Variants in NALCN observed in about 807,000 individuals in gnomAD.
NALCN encodes the protein sodium leak channel NALCN.
Under a neutral mutation model 225.3 loss-of-function variants are expected in NALCN, and 111 were observed. The observed-to-expected ratio is 0.49, with a 90% CI of 0.42 to 0.58. The LOEUF is 0.58. NALCN is among the 20% of genes least tolerant of loss of function. The pLI is 0.00. For missense variants in NALCN, 1,378 were observed against 2,202.4 expected (o/e 0.63, Z 7.49); for synonymous variants, 764 against 769.0 (o/e 0.99, Z 0.11).
chr13:101,306,020 T>C (rs1382917979), intron 7 of NALCN, among the ~76,000 whole-genome samples: 2 of 152,184 alleles, frequency 1.3e-5, no homozygotes, highest in Non-Finnish European at 2.9e-5. Flanking sequence ...TGTTGGACCA[T>C]GTGAAGAGCC....
At position 101,104,689 on chromosome 13, in the gene NALCN, C is replaced by T; in HGVS notation, c.2637-39G>A. On this transcript the variant is annotated intron_variant, in intron 23 of 43. Transcript: ENST00000251127. The surrounding 1 kb of genome is among the most constrained non-coding windows in gnomAD (Gnocchi z 4.2). ...AACAAAATTGAGAAACATAAAGGTT[C>T]CAGGAAAGGCTTCTAAGAGTTAGAG... The T allele has an allele frequency of 6.2e-7, 1 of 1,611,672 alleles. No individual in the cohort carries two copies. Among genetic ancestry groups the T allele is most frequent in the Non-Finnish European group, 8.5e-7 (1 of 1,178,634 alleles).
chr13:101,226,450 G>T (rs1248240638), intron 13 of NALCN, among the ~76,000 whole-genome samples: 1 of 152,204 alleles, frequency 6.6e-6, no homozygotes, highest in Admixed American at 6.5e-5. Context: ...CTGTTGAGCT[G>T]CTTTTTGTGT....
chr13:101,256,261 G>A (rs1456720539), intron 11 of NALCN, among the ~76,000 whole-genome samples: 2 of 151,980 alleles, frequency 1.3e-5, no homozygotes, highest in East Asian at 1.9e-4. Flanking sequence ...GGTGGTACCC[G>A]TCCTTTAACC....
intron 33 of NALCN, among the ~76,000 whole-genome samples, chr13:101,082,382 C>A (rs543460948): frequency 2.2e-4 from 33 of 152,252 alleles, no homozygotes; most frequent in African/African-American, 7.9e-4. Flanking sequence ...GAAACATCAA[C>A]CAGTGTAGGG....
chr13:101,239,663 G>A (rs1049304387), intron 11 of NALCN, among the ~76,000 whole-genome samples: 1 of 151,994 alleles, frequency 6.6e-6, no homozygotes, highest in Non-Finnish European at 1.5e-5. Context: ...AGGTGGTTAA[G>A]CACATTGCTA....
intron 2 of NALCN, 74 bp downstream of exon 2, chr13:101,398,945 A>C: frequency 1.0e-6 from 1 of 962,802 alleles, no homozygotes; most frequent in Non-Finnish European, 1.7e-6. Context: ...CCAAAGGTAC[A>C]TGATATTTGA....
intron 11 of NALCN, among the ~76,000 whole-genome samples, chr13:101,241,280 G>T (rs2041748476): frequency 6.6e-6 from 1 of 152,138 alleles, no homozygotes; most frequent in South Asian, 2.1e-4. Flanking sequence ...AGAAAGAATT[G>T]GTTCTTCCAG....
intron 13 of NALCN, among the ~76,000 whole-genome samples, chr13:101,212,930 G>C (rs933680083): frequency 2.0e-5 from 3 of 152,080 alleles, no homozygotes; most frequent in African/African-American, 7.2e-5. Context: ...TTTCTTCACA[G>C]AATTGGAAAA....
At position 101,254,658 on chromosome 13, in the gene NALCN, G is replaced by A. The variant is rs1238270337; in HGVS notation, c.1266+3785C>T. Among the ~76,000 whole-genome samples the A allele has an allele frequency of 2.3e-5, 3 of 130,810 alleles. 1 individual carries two copies. Among genetic ancestry groups the A allele is most frequent in the Non-Finnish European group, 5.3e-5 (3 of 56,348 alleles). 85.8% of individuals were successfully genotyped at this position (130,810 alleles called of 152,430 possible). ...TGTAATCCCAGCACTTTGGGAGGCC[G>A]AGGCGGGCGGATCACGAGGTCAGGA... is the stretch of plus-strand genomic sequence containing the variant. On this transcript the variant is annotated intron_variant, in intron 11 of 43. Transcript: ENST00000251127.
intron 17 of NALCN, among the ~76,000 whole-genome samples, chr13:101,139,637 C>T (rs1365593643): frequency 6.6e-6 from 1 of 151,812 alleles, no homozygotes; most frequent in African/African-American, 2.4e-5. Flanking sequence ...AAGAACCCTG[C>T]CTGTCACTTT....
intron 13 of NALCN, among the ~76,000 whole-genome samples, chr13:101,208,901 G>T (rs747025139): frequency 3.9e-5 from 6 of 152,190 alleles, no homozygotes; most frequent in Non-Finnish European, 5.9e-5. Context: ...CTGCAGAATG[G>T]TGAGCCAATT....
intron 7 of NALCN, among the ~76,000 whole-genome samples, chr13:101,319,124 T>C (rs1417610562): frequency 6.6e-6 from 1 of 152,174 alleles, no homozygotes; most frequent in Non-Finnish European, 1.5e-5. Context: ...GCAGAATCTC[T>C]TAGCAGGACT....
intron 9 of NALCN, among the ~76,000 whole-genome samples, chr13:101,287,159 TCTTGGTCAG>T (rs1193184191): frequency 1.3e-5 from 2 of 152,236 alleles, no homozygotes; most frequent in Admixed American, 1.3e-4. Flanking sequence ...AAGCGGACTT[TCTTGGTCAG>T]ATAGTATGTA....
rs2039667952 is a variant in NALCN at position 101,191,252 on chromosome 13, C to T, written c.1764+665G>A. Among the ~76,000 whole-genome samples the T allele has an allele frequency of 2.0e-5, 3 of 152,218 alleles. No homozygotes were observed. In the South Asian group the frequency reaches 6.3e-4, roughly 32 times the overall value. On this transcript the variant is annotated intron_variant, in intron 14 of 43. Coordinates refer to ENST00000251127, the MANE Select transcript of NALCN (RefSeq NM_052867.4). ...ACATAGAGATGAGCATTTGGTATTA[C>T]ATTCCTTAGTAAGTCACAGGCTGCA...
At chr13:101,132,140 G>A (rs2036549358) in intron 17 of NALCN, among the ~76,000 whole-genome samples, 1 of 151,678 alleles carries the variant, frequency 6.6e-6, no homozygotes, top group African/African-American at 2.4e-5. Context: ...TATTCATTCA[G>A]GGCTAAATTT....
intron 13 of NALCN, among the ~76,000 whole-genome samples, chr13:101,193,411 C>T (rs1023514226): frequency 7.9e-5 from 12 of 151,976 alleles, no homozygotes; most frequent in South Asian, 2.1e-4. Flanking sequence ...TGTTCAAGGC[C>T]CAGAACACAG....
intron 7 of NALCN, among the ~76,000 whole-genome samples, chr13:101,340,984 G>A (rs997058844): frequency 1.3e-5 from 2 of 152,032 alleles, no homozygotes; most frequent in African/African-American, 2.4e-5. Flanking sequence ...CTCATGACAA[G>A]TATGCACATA....
At chr13:101,144,678 A>G in intron 16 of NALCN, 82 bp downstream of exon 16, 1 of 1,446,422 alleles carries the variant, frequency 6.9e-7, no homozygotes, top group Non-Finnish European at 9.3e-7. Context: ...ACATATACTT[A>G]AAAGAAGGGT....
intron 15 of NALCN, among the ~76,000 whole-genome samples, chr13:101,167,576 C>T (rs1021296675): frequency 7.2e-5 from 11 of 152,130 alleles, no homozygotes; most frequent in African/African-American, 7.2e-5. Context: ...GTGGTTCACG[C>T]CTGTAATCCC....
Sources: gnomAD v4.1 joint callset for allele counts (sites outside exome capture counted in the v4.1 genomes callset) on GRCh38, gnomAD v4.1.1 for gene constraint, Gnocchi (gnomAD v3.1) non-coding constraint, MANE v1.5 for transcripts, NCBI Gene and HGNC (gene_info 2026-07-23, HGNC 2026-07-21) for gene names.